The following RARB variants were observed in gnomAD, a reference collection of about 807,000 sequenced individuals.
RARB encodes the protein HBV-activated protein.
RARB carries 17 observed loss-of-function variants against 51.9 expected under a neutral mutation model. The observed-to-expected ratio is 0.33, with a 90% CI of 0.22 to 0.49. The LOEUF is 0.49. Ranked by LOEUF, RARB falls within the 20% of genes least tolerant of loss-of-function variation. RARB has a pLI of 0.99. For synonymous variants in RARB, 215 were observed against 195.4 expected, an observed-to-expected ratio of 1.10 and a Z score of -0.84; for missense variants, 369 against 550.8, an observed-to-expected ratio of 0.67 and a Z score of 3.30.
intron 2 of RARB, among the ~76,000 whole-genome samples, chr3:25,015,592 G>A (rs1484496909): frequency 1.3e-5 from 2 of 152,134 alleles, no homozygotes; most frequent in South Asian, 2.1e-4. Context: ...CTTCTGTAAT[G>A]TGTAGACATT....
chr3:24,901,513 C>T (rs371873804), intron 2 of RARB, among the ~76,000 whole-genome samples: 7 of 152,126 alleles, frequency 4.6e-5, no homozygotes, highest in African/African-American at 1.7e-4. Flanking sequence ...CTAGCTGGGA[C>T]TACAGACAAG....
intron 2 of RARB, among the ~76,000 whole-genome samples, chr3:24,993,540 CCTT>C (rs1186887952): frequency 1.3e-5 from 2 of 152,044 alleles, no homozygotes; most frequent in South Asian, 2.1e-4. Flanking sequence ...TCGATATTCT[CCTT>C]CTGGCTATTT....
chr3:25,268,733 A>G (rs1482838243), intron 5 of RARB, among the ~76,000 whole-genome samples: 1 of 152,114 alleles, frequency 6.6e-6, no homozygotes, highest in Non-Finnish European at 1.5e-5. Context: ...TTTCTCTCAA[A>G]CATTGTCTCA....
At chr3:25,091,055 A>G (rs931005464) in intron 3 of RARB, among the ~76,000 whole-genome samples, 2 of 152,156 alleles carry the variant, frequency 1.3e-5, no homozygotes, top group African/African-American at 2.4e-5. Flanking sequence ...TTTTTCTATC[A>G]CTGTCCCTGG....
chr3:24,865,442 T>C (rs1182165166), intron 2 of RARB, among the ~76,000 whole-genome samples: 1 of 152,148 alleles, frequency 6.6e-6, no homozygotes, highest in Non-Finnish European at 1.5e-5. Context: ...CCCAGTGTAG[T>C]AGAAACTTCT....
At chr3:25,104,187 C>A (rs1413726607) in intron 3 of RARB, among the ~76,000 whole-genome samples, 1 of 152,192 alleles carries the variant, frequency 6.6e-6, no homozygotes, top group Non-Finnish European at 1.5e-5. Flanking sequence ...ATACCGTACA[C>A]CTGCCTGAAT....
chr3:25,515,657 G>A (rs1575478692), intron 3 of RARB, among the ~76,000 whole-genome samples: 1 of 152,176 alleles, frequency 6.6e-6, no homozygotes, highest in African/African-American at 2.4e-5. Context: ...CTTAGAACAA[G>A]AGACAAGAAA....
chr3:25,540,241 T>C (rs1325675546), intron 3 of RARB, among the ~76,000 whole-genome samples: 1 of 152,236 alleles, frequency 6.6e-6, no homozygotes, highest in Non-Finnish European at 1.5e-5. Flanking sequence ...AATTCTGTAA[T>C]ATCTGCTTCG....
At chr3:25,446,608 C>T (rs1708946013) in intron 1 of RARB, among the ~76,000 whole-genome samples, 1 of 151,914 alleles carries the variant, frequency 6.6e-6, no homozygotes, top group African/African-American at 2.4e-5. Context: ...TTGAGACCAT[C>T]CTGGCGAACA....
intron 5 of RARB, among the ~76,000 whole-genome samples, chr3:25,186,987 G>A (rs745328259): frequency 2.0e-4 from 28 of 142,228 alleles, no homozygotes; most frequent in Admixed American, 5.1e-4. Flanking sequence ...TCAGTCACAC[G>A]ATGGAACAAA....
intron 5 of RARB, among the ~76,000 whole-genome samples, chr3:25,192,746 A>C (rs1701135265): frequency 6.6e-6 from 1 of 152,040 alleles, no homozygotes; most frequent in African/African-American, 2.4e-5. Context: ...ACACACGACA[A>C]AACTTGTTCT....
chr3:24,978,373 C>A (rs1696566295), intron 2 of RARB, among the ~76,000 whole-genome samples: 1 of 152,140 alleles, frequency 6.6e-6, no homozygotes, highest in Non-Finnish European at 1.5e-5. Context: ...GGCTGTGAAT[C>A]TGTCTGGTCC....
chr3:25,532,789 G>A (rs1698980446), intron 3 of RARB, among the ~76,000 whole-genome samples: 1 of 152,220 alleles, frequency 6.6e-6, no homozygotes, highest in Admixed American at 6.5e-5. Context: ...TTTGTTGAGA[G>A]TGGCTCAGAC....
rs759589176 is a variant in RARB, at chr3:25,007,592, C to CAAAAAAAAAAAAAAA, written c.-379-52521_-379-52520insAAAAAAAAAAAAAAA. On this transcript the variant is annotated intron_variant, in intron 2 of 11. Coordinates refer to the RARB transcript ENST00000383772. ...CCTGGGCAACAGAGTGAGACTGTCT[C>CAAAAAAAAAAAAAAA]AAAAAAAAAAAACAAAAAAACCTCA... Among the ~76,000 whole-genome samples, 73 of 45,390 alleles carry CAAAAAAAAAAAAAAA rather than the reference C, an allele frequency of 1.6e-3. 9 individuals are homozygous for CAAAAAAAAAAAAAAA. Among genetic ancestry groups the CAAAAAAAAAAAAAAA allele is most frequent in the East Asian group, 7.0e-3 (7 of 1,000 alleles). 29.8% of individuals were successfully genotyped at this position (45,390 alleles called of 152,430 possible).
chr3:25,081,803 T>C (rs1313629457), intron 3 of RARB, among the ~76,000 whole-genome samples: 2 of 150,402 alleles, frequency 1.3e-5, no homozygotes, highest in Non-Finnish European at 3.0e-5. Flanking sequence ...CAGCTAATTT[T>C]TGTACTTTCA....
intron 3 of RARB, among the ~76,000 whole-genome samples, chr3:25,114,891 TATAAA>T (rs1247905466): frequency 3.9e-5 from 6 of 152,314 alleles, no homozygotes; most frequent in South Asian, 2.1e-4. Context: ...AATGAAAAGT[TATAAA>T]ATACTGAGTT....
intron 2 of RARB, among the ~76,000 whole-genome samples, chr3:25,487,537 A>C (rs545325255): frequency 1.3e-5 from 2 of 150,652 alleles, no homozygotes. Context: ...ATGATACTCT[A>C]TCCTTCCCCC....
At position 25,238,083 on chromosome 3, in the gene RARB, T is replaced by G. The variant is rs368796234; in HGVS notation, c.178+63508T>G. Among the ~76,000 whole-genome samples, 201 of 152,256 alleles carry G rather than the reference T, an allele frequency of 1.3e-3. 1 individual carries two copies. Among genetic ancestry groups the G allele is most frequent in the African/African-American group, 4.6e-3 (193 of 41,552 alleles). On this transcript the variant is annotated intron_variant, in intron 5 of 11. Transcript: ENST00000383772. Reference sequence around the variant, plus strand: ...GCTGTTACCTTCTTCTGTCAAACATTAGAATTTATTCCTTCTATTTAATTG... The same window carrying G: ...GCTGTTACCTTCTTCTGTCAAACATGAGAATTTATTCCTTCTATTTAATTG...
intron 3 of RARB, among the ~76,000 whole-genome samples, chr3:25,519,757 T>TA (rs1168259482): frequency 6.6e-6 from 1 of 152,206 alleles, no homozygotes; most frequent in Non-Finnish European, 1.5e-5. Context: ...AAAAGCGAAT[T>TA]AACTCAGATT....
Sources: gnomAD v4.1 joint callset for allele counts (sites outside exome capture counted in the v4.1 genomes callset) on GRCh38, gnomAD v4.1.1 for gene constraint, MANE v1.5 for transcripts, NCBI Gene and HGNC (gene_info 2026-07-23, HGNC 2026-07-21) for gene names.